The following DHRSX variants were observed in gnomAD, a reference collection of about 807,000 sequenced individuals.
DHRSX encodes the protein dehydrogenase/reductase X-linked, also known as polyprenol dehydrogenase.
Under a neutral mutation model 34.0 loss-of-function variants are expected in DHRSX, and 31 were observed. That is an observed-to-expected ratio of 0.91 (90% confidence interval 0.69 to 1.23). DHRSX has a LOEUF of 1.23. Among genes scored for constraint, DHRSX ranks in the 50% most tolerant of loss-of-function variants. The pLI is 0.00. For missense variants in DHRSX, 414 were observed against 428.1 expected (o/e 0.97, Z 0.29); for synonymous variants, 201 against 183.8 (o/e 1.09, Z -0.76).
intron 3 of DHRSX, among the ~76,000 whole-genome samples, chrX:2,389,550 TCA>T (rs2043311313): frequency 6.6e-6 from 1 of 152,138 alleles, no homozygotes; most frequent in African/African-American, 2.4e-5. Flanking sequence ...GACACGTGTG[TCA>T]CAGTCTTTCT....
chrX:2,322,137 C>A (rs749521907), intron 3 of DHRSX, among the ~76,000 whole-genome samples: 1 of 148,992 alleles, frequency 6.7e-6, no homozygotes, highest in Non-Finnish European at 1.5e-5. Context: ...CTCTTCCCCC[C>A]CAAGACCCCA....
At chrX:2,323,545 T>A (rs568794530) in intron 3 of DHRSX, among the ~76,000 whole-genome samples, 1 of 152,140 alleles carries the variant, frequency 6.6e-6, no homozygotes, top group Non-Finnish European at 1.5e-5. Flanking sequence ...AGAAGACTGC[T>A]GGAGGCCAGG....
At chrX:2,245,971 AAAAAAAC>A (rs1569479179) in intron 5 of DHRSX, among the ~76,000 whole-genome samples, 1 of 134,896 alleles carries the variant, frequency 7.4e-6, no homozygotes, top group Non-Finnish European at 1.6e-5. Flanking sequence ...CAAAAAAAAC[AAAAAAAC>A]AAAAAAACAC....
At chrX:2,310,543 T>C (rs2042150524) in intron 3 of DHRSX, among the ~76,000 whole-genome samples, 1 of 150,914 alleles carries the variant, frequency 6.6e-6, no homozygotes, top group Admixed American at 6.6e-5. Context: ...TGTGTGTGTA[T>C]ATGTGTGTGT....
At chrX:2,366,788 G>A (rs1305868448) in intron 3 of DHRSX, among the ~76,000 whole-genome samples, 3 of 150,556 alleles carry the variant, frequency 2.0e-5, no homozygotes, top group African/African-American at 4.9e-5. Context: ...CTGTAGAGAC[G>A]AGATCTTGCT....
intron 4 of DHRSX, among the ~76,000 whole-genome samples, chrX:2,269,832 A>T (rs2041525369): frequency 6.6e-6 from 1 of 151,804 alleles, no homozygotes; most frequent in African/African-American, 2.4e-5. Flanking sequence ...GAGACACTGC[A>T]CCCGGCCGTG....
At chrX:2,241,436 T>C (rs1348692007) in intron 6 of DHRSX, among the ~76,000 whole-genome samples, 5 of 152,162 alleles carry the variant, frequency 3.3e-5, no homozygotes, top group Admixed American at 6.6e-5. Context: ...TCTCTGAAGT[T>C]TCCTGAAGTC....
intron 1 of DHRSX, among the ~76,000 whole-genome samples, chrX:2,467,975 A>C (rs973304776): frequency 2.1e-5 from 3 of 143,256 alleles, no homozygotes; most frequent in Non-Finnish European, 4.6e-5. Flanking sequence ...AAAAAAAAAA[A>C]AAAAATGTTG....
At chrX:2,246,977 C>G (rs1423300135) in intron 5 of DHRSX, among the ~76,000 whole-genome samples, 2 of 152,114 alleles carry the variant, frequency 1.3e-5, no homozygotes, top group Non-Finnish European at 2.9e-5. Flanking sequence ...GAGAAGGAGT[C>G]TTGCTCTGTC....
At chrX:2,397,051 A>T (rs1200921427) in intron 3 of DHRSX, among the ~76,000 whole-genome samples, 2 of 152,060 alleles carry the variant, frequency 1.3e-5, no homozygotes, top group Admixed American at 1.3e-4. Flanking sequence ...CCCAAGCTAA[A>T]GTACAGGGTC....
At chrX:2,432,200 A>G (rs1398291701) in intron 1 of DHRSX, among the ~76,000 whole-genome samples, 1 of 152,122 alleles carries the variant, frequency 6.6e-6, no homozygotes, top group Non-Finnish European at 1.5e-5. Flanking sequence ...TCTCAAAAAA[A>G]AAATTTTTTT....
intron 1 of DHRSX, among the ~76,000 whole-genome samples, chrX:2,484,103 C>T (rs1203345126): frequency 6.6e-6 from 1 of 152,072 alleles, no homozygotes; most frequent in African/African-American, 2.4e-5. Context: ...AGCCTCAGTA[C>T]CTGGGATTAC....
chrX:2,435,014 G>A (rs1286285922), intron 1 of DHRSX, among the ~76,000 whole-genome samples: 2 of 150,654 alleles, frequency 1.3e-5, no homozygotes, highest in Non-Finnish European at 3.0e-5. Context: ...CATGAGAAAA[G>A]GTACAGAAAT....
At chrX:2,311,650 C>T (rs975859111) in intron 3 of DHRSX, among the ~76,000 whole-genome samples, 3 of 152,096 alleles carry the variant, frequency 2.0e-5, no homozygotes, top group Non-Finnish European at 2.9e-5. Context: ...TACCCAAGGG[C>T]GAGAAGTCAA....
chrX:2,269,151 T>C (rs1602841925), intron 4 of DHRSX, among the ~76,000 whole-genome samples: 1 of 152,250 alleles, frequency 6.6e-6, no homozygotes, highest in South Asian at 2.1e-4. Context: ...TATCTATACA[T>C]ATATGTAGGT....
intron 1 of DHRSX, among the ~76,000 whole-genome samples, chrX:2,461,258 C>T (rs6641762): frequency 0.042 from 6,461 of 152,230 alleles, 196 homozygotes; most frequent in South Asian, 0.09. Flanking sequence ...CCGGTGACCT[C>T]GAACACCCCA....
At position 2,220,751 on chromosome X, in the gene DHRSX, A is replaced by T. The variant is rs1188475852; in HGVS notation, c.*290T>A. ...TCAGTTGTATTAACGCGGCAAGGAA[A>T]ATGGCACATTTATGTTGGAAAATGT... On this transcript the variant is annotated 3_prime_UTR_variant, in exon 7 of 7. Coordinates refer to ENST00000334651, the MANE Select transcript of DHRSX (RefSeq NM_145177.3). 7.0e-6 allele frequency: 3 copies of T among 429,618 alleles called. No homozygotes were observed. Among genetic ancestry groups the T allele is most frequent in the Non-Finnish European group, 1.2e-5 (3 of 242,640 alleles). 26.6% of individuals were successfully genotyped at this position (429,618 alleles called of 1,614,324 possible).
intron 3 of DHRSX, among the ~76,000 whole-genome samples, chrX:2,406,281 G>A (rs2124635308): frequency 1.3e-5 from 2 of 152,064 alleles, no homozygotes; most frequent in East Asian, 2.0e-4. Context: ...GACAGAGTGA[G>A]ACTCCGTCTC....
At chrX:2,401,819 G>A (rs1247272323) in intron 3 of DHRSX, among the ~76,000 whole-genome samples, 2 of 152,244 alleles carry the variant, frequency 1.3e-5, no homozygotes, top group African/African-American at 4.8e-5. Flanking sequence ...CAATGGCTAA[G>A]TGATGATAAG....
Sources: gnomAD v4.1 joint callset for allele counts (sites outside exome capture counted in the v4.1 genomes callset) on GRCh38, gnomAD v4.1.1 for gene constraint, MANE v1.5 for transcripts, NCBI Gene and HGNC (gene_info 2026-07-23, HGNC 2026-07-21) for gene names.